The following RGS6 variants were observed in gnomAD, a reference collection of about 807,000 sequenced individuals.
RGS6 encodes the protein regulator of G protein signaling 6.
A neutral mutation model predicts 78.5 loss-of-function variants in RGS6; 30 were observed. That is an observed-to-expected ratio of 0.38 (90% CI 0.29 to 0.52). The LOEUF is 0.52. RGS6 is among the 20% of genes least tolerant of loss of function. The pLI is 0.85. For missense variants in RGS6, 495 were observed against 609.7 expected (o/e 0.81, Z 1.98); for synonymous variants, 206 against 206.0 (o/e 1.00, Z 0.00).
chr14:72,352,407 C>G (rs1183739032), intron 3 of RGS6, among the ~76,000 whole-genome samples: 1 of 152,170 alleles, frequency 6.6e-6, no homozygotes, highest in Non-Finnish European at 1.5e-5. Flanking sequence ...ACCAGCCCTT[C>G]AAGTGCATGT....
At chr14:72,488,058 G>A (rs1415527755) in intron 12 of RGS6, among the ~76,000 whole-genome samples, 1 of 152,066 alleles carries the variant, frequency 6.6e-6, no homozygotes, top group African/African-American at 2.4e-5. Context: ...AAATATGTAT[G>A]CCCATCTAAT....
At chr14:72,611,511 C>T in the RGS6 span, among the ~76,000 whole-genome samples, 1 of 151,870 alleles carries the variant, frequency 6.6e-6, no homozygotes, top group South Asian at 2.1e-4. Context: ...ACTTGAAGCC[C>T]CCACCCCCCC....
At chr14:72,239,347 C>G (rs2052107977) in intron 2 of RGS6, among the ~76,000 whole-genome samples, 1 of 152,168 alleles carries the variant, frequency 6.6e-6, no homozygotes, top group Non-Finnish European at 1.5e-5. Context: ...CATTTTGTCT[C>G]TTAATGCACC....
intron 14 of RGS6, among the ~76,000 whole-genome samples, chr14:72,515,315 A>G (rs927654517): frequency 1.3e-5 from 2 of 151,236 alleles, no homozygotes; most frequent in Non-Finnish European, 2.9e-5. Flanking sequence ...ACTTAAAAAA[A>G]TTCTTGGTTT....
intron 2 of RGS6, among the ~76,000 whole-genome samples, chr14:72,093,474 G>A (rs2095330041): frequency 6.6e-6 from 1 of 152,122 alleles, no homozygotes; most frequent in Non-Finnish European, 1.5e-5. Flanking sequence ...GAACTCCTGG[G>A]TTCAAGTGGT....
chr14:72,178,431 A>ACGTT (rs2097134037), intron 2 of RGS6, among the ~76,000 whole-genome samples: 1 of 152,198 alleles, frequency 6.6e-6, no homozygotes, highest in African/African-American at 2.4e-5. Context: ...CTATCCTGAG[A>ACGTT]CGTTCTAGGC....
chr14:72,333,405 G>A (rs77046872), intron 2 of RGS6, among the ~76,000 whole-genome samples: 2,261 of 152,254 alleles, frequency 0.015, 63 homozygotes, highest in African/African-American at 0.05. Flanking sequence ...GACCTGCGTT[G>A]GTATCTCACT....
rs572492591 is a variant in RGS6 at position 72,038,074 on chromosome 14, A to G, written c.84+73199A>G. ...AACCTCTGCCTCCCAGGTTCAAGCT[A>G]TTCTCCTGCTTCAGCCTCCCAAGTA... On this transcript the variant is annotated intron_variant, in intron 2 of 17. Coordinates refer to ENST00000553525, the MANE Select transcript of RGS6 (RefSeq NM_001204424.2). Among the ~76,000 whole-genome samples, 15 of 152,158 alleles carry G rather than the reference A, an allele frequency of 9.9e-5. No homozygotes were observed. The South Asian group carries it at 2.9e-3, about 29-fold the overall frequency.
chr14:72,440,492 G>A (rs2238188), intron 3 of RGS6, among the ~76,000 whole-genome samples: 33,766 of 147,816 alleles, frequency 0.23, 4,819 homozygotes, highest in East Asian at 0.56. Flanking sequence ...TCGGCTCACT[G>A]CAGTCTGCCT....
downstream of RGS6, among the ~76,000 whole-genome samples, chr14:72,569,114 GTGT>G (rs775530695): frequency 1.1e-5 from 1 of 88,504 alleles, no homozygotes; most frequent in Admixed American, 9.9e-5. Flanking sequence ...TCTCTGGGGT[GTGT>G]GTGTGTGTGT....
intron 3 of RGS6, among the ~76,000 whole-genome samples, chr14:72,357,374 G>A (rs372583258): frequency 1.8e-4 from 27 of 152,280 alleles, no homozygotes; most frequent in African/African-American, 6.3e-4. Flanking sequence ...GGGAAAGTTT[G>A]GAACTTCCTA....
At chr14:72,011,556 G>A (rs1489619597) in intron 2 of RGS6, among the ~76,000 whole-genome samples, 1 of 143,902 alleles carries the variant, frequency 6.9e-6, no homozygotes, top group Non-Finnish European at 1.5e-5. Context: ...ATTCATATTT[G>A]TCAAAAAATG....
intron 2 of RGS6, among the ~76,000 whole-genome samples, chr14:72,037,426 G>C (rs1040270153): frequency 2.0e-5 from 3 of 152,164 alleles, no homozygotes; most frequent in African/African-American, 7.2e-5. Context: ...GAACTCACCA[G>C]AAGGAAGAAA....
At chr14:71,899,074 T>G in the RGS6 span, among the ~76,000 whole-genome samples, 4 of 152,252 alleles carry the variant, frequency 2.6e-5, no homozygotes, top group African/African-American at 9.6e-5. Flanking sequence ...TCCTATAGGC[T>G]GGCTTTCCAA....
At chr14:72,283,245 A>T (rs943290779) in intron 2 of RGS6, among the ~76,000 whole-genome samples, 1 of 152,184 alleles carries the variant, frequency 6.6e-6, no homozygotes, top group Non-Finnish European at 1.5e-5. Context: ...TGGGCGTGCA[A>T]ATATCTCTTC....
At chr14:72,494,841 G>A (rs1346289288) in intron 12 of RGS6, among the ~76,000 whole-genome samples, 1 of 152,122 alleles carries the variant, frequency 6.6e-6, no homozygotes, top group East Asian at 1.9e-4. Context: ...TTTGACCAGT[G>A]TATTAGTATC....
Position 72,102,857 on chromosome 14 carries a change from A to G in RGS6, c.84+137982A>G, listed in dbSNP as rs866165642. Reference sequence around the variant, plus strand: ...TCATTATATATATATTTTTTTCTTAAAAGTCTACTCGTTCGTGAAATCACA... The same window carrying G: ...TCATTATATATATATTTTTTTCTTAGAAGTCTACTCGTTCGTGAAATCACA... On this transcript the variant is annotated intron_variant, in intron 2 of 17. Coordinates refer to ENST00000553525, the MANE Select transcript of RGS6 (RefSeq NM_001204424.2). 2.0e-5 allele frequency among the ~76,000 whole-genome samples: 3 copies of G among 152,134 alleles called. No individual in the cohort carries two copies. In the South Asian group the frequency reaches 6.2e-4, roughly 32 times the overall value.
chr14:71,960,830 C>T (rs1264582142), intron 1 of RGS6, among the ~76,000 whole-genome samples: 1 of 152,222 alleles, frequency 6.6e-6, no homozygotes, highest in Non-Finnish European at 1.5e-5. Flanking sequence ...GAATGGCAAA[C>T]TTTGCCTCTC....
chr14:72,123,877 G>C (rs1201491386), intron 2 of RGS6, among the ~76,000 whole-genome samples: 2 of 152,204 alleles, frequency 1.3e-5, no homozygotes, highest in Non-Finnish European at 2.9e-5. Context: ...CCACTTGACT[G>C]TATCACAGCT....
Sources: allele counts gnomAD v4.1 joint callset (sites outside exome capture counted in the v4.1 genomes callset), GRCh38; gene constraint gnomAD v4.1.1; transcripts MANE v1.5; gene names NCBI Gene and HGNC (gene_info 2026-07-23, HGNC 2026-07-21).